The following SLC16A6 variants were observed in gnomAD, a reference collection of about 807,000 sequenced individuals.
The protein encoded by SLC16A6 is monocarboxylate transporter 7.
Under a neutral mutation model 33.8 loss-of-function variants are expected in SLC16A6, and 15 were observed. The ratio of observed to expected loss-of-function variants is 0.44; its 90% CI spans 0.30 to 0.68. SLC16A6 has a LOEUF of 0.68. SLC16A6 is among the 30% of genes least tolerant of loss of function. The pLI is 0.10. For missense variants in SLC16A6, 451 were observed against 661.5 expected (o/e 0.68, Z 3.49); for synonymous variants, 219 against 248.4 (o/e 0.88, Z 1.11).
chr17:68,278,617 C>CTTT (rs56870988), intron 1 of SLC16A6, among the ~76,000 whole-genome samples: 10 of 111,986 alleles, frequency 8.9e-5, no homozygotes, highest in Admixed American at 2.0e-4. Flanking sequence ...TTTCTTTTTC[C>CTTT]TTTTTTTTTT....
intron 1 of SLC16A6, among the ~76,000 whole-genome samples, chr17:68,282,562 A>G (rs1008039078): frequency 1.5e-4 from 23 of 151,330 alleles, no homozygotes; most frequent in Non-Finnish European, 8.8e-5. Context: ...ACTTTGGGAA[A>G]CTGAGGCTGG....
chr17:68,276,607 C>G (rs1364056040), intron 2 of SLC16A6, among the ~76,000 whole-genome samples: 1 of 151,988 alleles, frequency 6.6e-6, no homozygotes, highest in African/African-American at 2.4e-5. Context: ...TACCACCATG[C>G]CCGGCCAATT....
chr17:68,281,138 A>T (rs2075682155), intron 1 of SLC16A6, among the ~76,000 whole-genome samples: 1 of 151,926 alleles, frequency 6.6e-6, no homozygotes, highest in Non-Finnish European at 1.5e-5. Context: ...AAAAAAAAAA[A>T]AAAGAATGAA....
At chr17:68,274,723 T>C (rs2075455135) in intron 2 of SLC16A6, among the ~76,000 whole-genome samples, 1 of 152,194 alleles carries the variant, frequency 6.6e-6, no homozygotes, top group Non-Finnish European at 1.5e-5. Flanking sequence ...TTTTCTCTAC[T>C]CACTACTTTG....
chr17:68,269,936 G>A (rs1475008755), intron 5 of SLC16A6, among the ~76,000 whole-genome samples: 12 of 152,176 alleles, frequency 7.9e-5, no homozygotes, highest in African/African-American at 2.6e-4. Flanking sequence ...TCCTCCCAAA[G>A]TGTTGGGATT....
Position 68,274,013 on chromosome 17 carries a change from C to G in SLC16A6, c.290G>C (p.Gly97Ala), listed in dbSNP as rs1258286769. 2 of 1,614,004 alleles carry G rather than the reference C, an allele frequency of 1.2e-6. No individual in the cohort carries two copies. Among genetic ancestry groups the G allele is most frequent in the Non-Finnish European group, 1.7e-6 (2 of 1,180,042 alleles). ...CATCCCGGTGCTGACAAGTAGCCCC[C>G]CCAACATCACTACCAGACGGTGTCC... The part of the protein sequence containing the change: ...RFGHRLVVML[G>A]GLLVSTGMVA... The change falls in exon 3 of 6, where the codon GGG becomes GCG. Residue 97 changes from glycine (G) to alanine (A), a missense_variant. Physicochemically the swap from Gly to Ala is moderately conservative, Grantham distance 60 (BLOSUM62 0). Around this residue, in one of 2 missense-constraint regions of SLC16A6, gnomAD observed 405 missense variants for 510.7 expected, o/e 0.79. Coordinates refer to ENST00000580666, the MANE Select transcript of SLC16A6 (RefSeq NM_004694.5).
chr17:68,268,708 G>T lies in SLC16A6; in HGVS notation c.*388C>A, dbSNP rs189991374. On this transcript the variant is annotated 3_prime_UTR_variant, in exon 6 of 6. Transcript: ENST00000580666. Reference sequence around the variant, plus strand: ...ATTCAGACAAGACCATAGGAAGAAAGAAAAGAAAAAAAGAAAATCATTTAT... The same window carrying T: ...ATTCAGACAAGACCATAGGAAGAAATAAAAGAAAAAAAGAAAATCATTTAT... 7.0e-4 allele frequency: 129 copies of T among 184,380 alleles called. No individual in the cohort carries two copies. The highest frequency in any genetic ancestry group is 2.9e-3 in the Admixed American group (53 of 18,418). 11.4% of individuals were successfully genotyped at this position (184,380 alleles called of 1,614,324 possible).
chr17:68,271,310 A>C lies in SLC16A6; in HGVS notation c.850T>G (p.Leu284Val). 1 of 1,614,248 alleles carries C rather than the reference A, an allele frequency of 6.2e-7. No individual in the cohort carries two copies. Among genetic ancestry groups the C allele is most frequent in the South Asian group, 1.1e-5 (1 of 91,086 alleles). ...TTCTCTTTCAAAATGGAGAAGTCTA[A>C]TAGCGGGGCTTTCTTTTCGCTTGGC... ...PRPSEKKAPL[L>V]DFSILKEKSF... Residue 284 changes from leucine (L) to valine (V), a missense_variant, in exon 5 of 6, where the codon TTA (leucine) becomes GTA (valine). Coordinates refer to ENST00000580666, the MANE Select transcript of SLC16A6 (RefSeq NM_004694.5). The surrounding 1 kb of genome is among the most constrained non-coding windows in gnomAD (Gnocchi z 5.3).
intron 5 of SLC16A6, among the ~76,000 whole-genome samples, chr17:68,270,344 A>C (rs1427760410): frequency 6.6e-6 from 1 of 152,130 alleles, no homozygotes; most frequent in Non-Finnish European, 1.5e-5. Flanking sequence ...TCACGAGGTC[A>C]AGAGATTGAG....
chr17:68,283,949 TTAG>T (rs1212147305), intron 1 of SLC16A6, among the ~76,000 whole-genome samples: 2 of 136,922 alleles, frequency 1.5e-5, no homozygotes, highest in Non-Finnish European at 3.1e-5. Context: ...AATACAAAAA[TTAG>T]TAGTAGCACG....
At chr17:68,283,583 A>G (rs988794922) in intron 1 of SLC16A6, among the ~76,000 whole-genome samples, 20 of 151,916 alleles carry the variant, frequency 1.3e-4, no homozygotes, top group Admixed American at 6.6e-4. Flanking sequence ...CACTTTGGGA[A>G]GCTGAGGCGG....
At chr17:68,279,251 CGAGT>C (rs2145076215) in intron 1 of SLC16A6, among the ~76,000 whole-genome samples, 1 of 152,078 alleles carries the variant, frequency 6.6e-6, no homozygotes, top group Non-Finnish European at 1.5e-5. Flanking sequence ...CACCTTCCAC[CGAGT>C]AAGTGTTTGA....
intron 1 of SLC16A6, among the ~76,000 whole-genome samples, chr17:68,280,236 G>A (rs2075652437): frequency 6.8e-6 from 1 of 146,050 alleles, no homozygotes; most frequent in Admixed American, 6.8e-5. Flanking sequence ...AATCTACAGA[G>A]TGGATTCCTA....
chr17:68,272,851 G>T, intron 3 of SLC16A6, 84 bp from the exon 4 acceptor site: 1 of 1,561,346 alleles, frequency 6.4e-7, no homozygotes, highest in Non-Finnish European at 8.7e-7. Context: ...TGGGATTTTT[G>T]GTTTTGCTTT....
chr17:68,287,726 A>G (rs1485900498), intron 1 of SLC16A6, among the ~76,000 whole-genome samples: 1 of 152,102 alleles, frequency 6.6e-6, no homozygotes, highest in Non-Finnish European at 1.5e-5. Flanking sequence ...CCTATGTCCT[A>G]TTAAATTTAG....
chr17:68,278,782 G>A (rs913413684), intron 1 of SLC16A6, among the ~76,000 whole-genome samples: 29 of 151,844 alleles, frequency 1.9e-4, no homozygotes, highest in Admixed American at 3.3e-4. Flanking sequence ...ATCACACCCG[G>A]CTAATTTTTG....
Position 68,268,070 on chromosome 17 carries a change from T to G in SLC16A6, c.*1026A>C, listed in dbSNP as rs1209324197. The G allele has an allele frequency of 6.6e-6, 1 of 152,228 alleles. No homozygotes were observed. Among genetic ancestry groups the G allele is most frequent in the Non-Finnish European group, 1.5e-5 (1 of 68,034 alleles). 9.4% of individuals were successfully genotyped at this position (152,228 alleles called of 1,614,324 possible). A position where few individuals can be genotyped will look rare whatever the true frequency, so the allele number is the denominator to read the frequency against. On this transcript the variant is annotated 3_prime_UTR_variant, in exon 6 of 6. Coordinates refer to ENST00000580666, the MANE Select transcript of SLC16A6 (RefSeq NM_004694.5). ...TTTGCAATCCATTATTTTTTCCCCTTTAATAGCACACGTTGCCCCTAATCA... is the reference window on the plus strand; with the variant it reads ...TTTGCAATCCATTATTTTTTCCCCTGTAATAGCACACGTTGCCCCTAATCA...
rs2075234258 is a variant in SLC16A6, at chr17:68,268,820, C to G, written c.*276G>C. On this transcript the variant is annotated 3_prime_UTR_variant, in exon 6 of 6. Transcript: ENST00000580666. The stretch of plus-strand genomic sequence containing the variant: ...TGAACCAAAGAGTCTTTCTACATAT[C>G]TCTTGTATTGCTACTGAATACAGCC... 1 of 450,240 alleles carries G rather than the reference C, an allele frequency of 2.2e-6. No individual in the cohort carries two copies. The highest frequency in any genetic ancestry group is 3.9e-6 in the Non-Finnish European group (1 of 259,094). 27.9% of individuals were successfully genotyped at this position (450,240 alleles called of 1,614,324 possible). A position where few individuals can be genotyped will look rare whatever the true frequency, so the allele number is the denominator to read the frequency against.
Position 68,270,819 on chromosome 17 carries a change from A to G in SLC16A6, c.1321+20T>C, listed in dbSNP as rs1475659660. On this transcript the variant is annotated intron_variant, in intron 5 of 5. Transcript: ENST00000580666. ...CAAGGGAAAGTAGACAAGTGTTTGT[A>G]TTTTGTGTATTTAAATTACCTGCAA... 4 of 1,569,774 alleles carry G rather than the reference A, an allele frequency of 2.5e-6. No homozygotes were observed. Among genetic ancestry groups the G allele is most frequent in the Admixed American group, 1.8e-5 (1 of 54,352 alleles).
Sources: gnomAD v4.1 joint callset for allele counts (sites outside exome capture counted in the v4.1 genomes callset) on GRCh38, gnomAD v4.1.1 for gene constraint, gnomAD v4.1.1 regional missense constraint, Gnocchi (gnomAD v3.1) non-coding constraint, MANE v1.5 for transcripts, NCBI Gene and HGNC (gene_info 2026-07-23, HGNC 2026-07-21) for gene names.